R3HDM2: variants seen among roughly 807,000 people sequenced by gnomAD.
R3HDM2 encodes R3H domain-containing protein 2.
In R3HDM2, 38 loss-of-function variants were observed where a neutral mutation model predicts 124.5. The ratio of observed to expected loss-of-function variants is 0.31; its 90% CI spans 0.24 to 0.40. The LOEUF (loss-of-function observed/expected upper bound fraction) is 0.40. Among genes scored for constraint, R3HDM2 ranks in the 10% least tolerant of loss-of-function variants. The pLI is 1.00. For missense variants in R3HDM2, 869 were observed against 1,236.9 expected (o/e 0.70, Z 4.46); for synonymous variants, 391 against 448.0 (o/e 0.87, Z 1.61).
chr12:57,346,056 A>G (rs1334485864), intron 2 of R3HDM2, among the ~76,000 whole-genome samples: 2 of 151,182 alleles, frequency 1.3e-5, no homozygotes, highest in South Asian at 2.1e-4. Context: ...GCTACTCAGG[A>G]GGCTGAGGCA....
At chr12:57,297,498 G>T in intron 7 of R3HDM2, 111 bp from the exon 8 acceptor site, 1 of 629,950 alleles carries the variant, frequency 1.6e-6, no homozygotes. Context: ...GCTGAAAAAG[G>T]TATATATCCA....
At chr12:57,381,354 C>G (rs997632453) in intron 2 of R3HDM2, among the ~76,000 whole-genome samples, 1 of 151,946 alleles carries the variant, frequency 6.6e-6, no homozygotes, top group Non-Finnish European at 1.5e-5. Flanking sequence ...GAGTTTAAGA[C>G]CAGCCTGGCC....
intron 18 of R3HDM2, among the ~76,000 whole-genome samples, chr12:57,267,135 A>G (rs1446937537): frequency 6.6e-6 from 1 of 152,232 alleles, no homozygotes; most frequent in Non-Finnish European, 1.5e-5. Context: ...ATGCACACAC[A>G]CAGATTCCAA....
At chr12:57,355,834 T>TTCA (rs1255121692) in intron 2 of R3HDM2, among the ~76,000 whole-genome samples, 2 of 152,200 alleles carry the variant, frequency 1.3e-5, no homozygotes, top group Non-Finnish European at 2.9e-5. Context: ...CCCTGAGTAT[T>TTCA]TCATATTTTT....
At chr12:57,420,116 C>T (rs1406013648) in intron 1 of R3HDM2, among the ~76,000 whole-genome samples, 1 of 152,144 alleles carries the variant, frequency 6.6e-6, no homozygotes, top group African/African-American at 2.4e-5. Context: ...AATTCTACCC[C>T]TACTTTAGAT....
chr12:57,392,479 G>C lies in R3HDM2; in HGVS notation c.-36+3270C>G, dbSNP rs536684666. Among the ~76,000 whole-genome samples the C allele has an allele frequency of 1.2e-4, 19 of 152,262 alleles. No individual in the cohort carries two copies. In the East Asian group the frequency reaches 3.5e-3, roughly 28 times the overall value. The stretch of plus-strand genomic sequence containing the variant: ...TGATCTGACAGGAGGCTGAGTTCAG[G>C]GGGTAATGTTCACTCGCCTGCCGCT... On this transcript the variant is annotated intron_variant, in intron 2 of 23. Transcript: ENST00000402412.
chr12:57,269,974 G>A lies in R3HDM2; in HGVS notation c.1365C>T (p.Pro455=). 5.6e-6 allele frequency: 9 copies of A among 1,614,202 alleles called. No homozygotes were observed. Among genetic ancestry groups the A allele is most frequent in the Non-Finnish European group, 7.6e-6 (9 of 1,180,038 alleles). The change falls in exon 15 of 24, where the codon CCC becomes CCT. Residue 455 remains proline, a synonymous_variant. Transcript: ENST00000402412. ...MISQADDLSN[P]FGQMSLSRQG... ...GGCGACTAAGGCTCATTTGTCCAAA[G>A]GGGTTGCTGAGGTCATCTGCCTGTT...
chr12:57,330,059 C>T (rs1042885309), intron 2 of R3HDM2, among the ~76,000 whole-genome samples: 11 of 151,932 alleles, frequency 7.2e-5, no homozygotes, highest in Admixed American at 3.9e-4. Flanking sequence ...CTCCGCCTCC[C>T]GGGTTTAAGT....
intron 19 of R3HDM2, among the ~76,000 whole-genome samples, chr12:57,265,781 C>T (rs1006001328): frequency 1.3e-5 from 2 of 151,308 alleles, no homozygotes; most frequent in Non-Finnish European, 2.9e-5. Context: ...CTACTGGGTG[C>T]GTCACCACTC....
chr12:57,319,420 A>G (rs2055907156), intron 2 of R3HDM2, among the ~76,000 whole-genome samples: 2 of 151,940 alleles, frequency 1.3e-5, no homozygotes, highest in Admixed American at 6.6e-5. Flanking sequence ...CTGCTTGTAT[A>G]CCTCTTAGTG....
intron 2 of R3HDM2, among the ~76,000 whole-genome samples, chr12:57,331,214 T>C (rs2058144640): frequency 6.6e-6 from 1 of 152,148 alleles, no homozygotes; most frequent in African/African-American, 2.4e-5. Flanking sequence ...GCCACAATGA[T>C]TGTGTAAAAA....
rs1001225178 is a variant in R3HDM2 at position 57,430,442 on chromosome 12, T to C, written c.-106+278A>G. On this transcript the variant is annotated intron_variant, in intron 1 of 23. Coordinates refer to ENST00000402412, the MANE Select transcript of R3HDM2 (RefSeq NM_001394031.1). ...ACCCCGAAGCACTGGAAGGGCGCAATAGTTTTTAGGTCACCCCGCAAAGGC... is the reference window on the plus strand; with the variant it reads ...ACCCCGAAGCACTGGAAGGGCGCAACAGTTTTTAGGTCACCCCGCAAAGGC... The C allele has an allele frequency of 2.1e-5, 18 of 861,246 alleles. No individual in the cohort carries two copies. The South Asian group carries it at 4.3e-4, about 20-fold the overall frequency. 53.4% of individuals were successfully genotyped at this position (861,246 alleles called of 1,614,324 possible).
chr12:57,357,483 G>A (rs2061427837), intron 2 of R3HDM2, among the ~76,000 whole-genome samples: 1 of 151,618 alleles, frequency 6.6e-6, no homozygotes, highest in Admixed American at 6.6e-5. Context: ...AAAAAGGAAT[G>A]GTTCATGATA....
At chr12:57,387,408 T>G (rs2066002449) in intron 2 of R3HDM2, among the ~76,000 whole-genome samples, 1 of 152,148 alleles carries the variant, frequency 6.6e-6, no homozygotes, top group African/African-American at 2.4e-5. Context: ...ACACACCGCC[T>G]TTAAGAACTG....
At chr12:57,361,938 G>C (rs2062010267) in intron 2 of R3HDM2, among the ~76,000 whole-genome samples, 2 of 152,096 alleles carry the variant, frequency 1.3e-5, no homozygotes, top group Non-Finnish European at 2.9e-5. Context: ...ATCACTAAGA[G>C]CCTGGGCAAC....
At chr12:57,373,116 C>A (rs2138020904) in intron 2 of R3HDM2, among the ~76,000 whole-genome samples, 1 of 152,304 alleles carries the variant, frequency 6.6e-6, no homozygotes, top group African/African-American at 2.4e-5. Context: ...GTGAGAGAAT[C>A]ACTTGAGCCA....
chr12:57,395,000 G>A (rs1752696720), intron 2 of R3HDM2, among the ~76,000 whole-genome samples: 1 of 151,912 alleles, frequency 6.6e-6, no homozygotes, highest in South Asian at 2.1e-4. Context: ...ACAAGGTCAG[G>A]AGTTCAAGAC....
At position 57,292,563 on chromosome 12, in the gene R3HDM2, T is replaced by C; in HGVS notation, c.906+9A>G. 1 of 1,538,696 alleles carries C rather than the reference T, an allele frequency of 6.5e-7. No homozygotes were observed. Among genetic ancestry groups the C allele is most frequent in the Non-Finnish European group, 8.8e-7 (1 of 1,136,316 alleles). Reference sequence around the variant, plus strand: ...CTATGGGCTGACAACTCTCAGATGCTACACTTACCTCTCGGGCAAATATTC... The same window carrying C: ...CTATGGGCTGACAACTCTCAGATGCCACACTTACCTCTCGGGCAAATATTC... On this transcript the variant is annotated intron_variant, in intron 11 of 23. Coordinates refer to ENST00000402412, the MANE Select transcript of R3HDM2 (RefSeq NM_001394031.1).
At chr12:57,331,960 T>C (rs915836245) in intron 2 of R3HDM2, among the ~76,000 whole-genome samples, 3 of 151,650 alleles carry the variant, frequency 2.0e-5, no homozygotes, top group Non-Finnish European at 4.4e-5. Context: ...CATGGTGGCA[T>C]GTACCTGTAG....
Sources: allele counts gnomAD v4.1 joint callset (sites outside exome capture counted in the v4.1 genomes callset), GRCh38; gene constraint gnomAD v4.1.1; transcripts MANE v1.5; gene names NCBI Gene and HGNC (gene_info 2026-07-23, HGNC 2026-07-21).